The following VPS36 variants were observed in gnomAD, a reference collection of about 807,000 sequenced individuals.
VPS36 encodes the protein vacuolar protein-sorting-associated protein 36.
In VPS36, 31 loss-of-function variants were observed where a neutral mutation model predicts 63.5. The observed-to-expected ratio is 0.49, with a 90% CI of 0.37 to 0.66. VPS36 has a LOEUF of 0.66. Among genes scored for constraint, VPS36 ranks in the 30% least tolerant of loss-of-function variants. The pLI, the probability that VPS36 is intolerant of heterozygous loss-of-function variation, is 0.00. For missense variants in VPS36, 338 were observed against 463.7 expected (o/e 0.73, Z 2.49); for synonymous variants, 138 against 157.2 (o/e 0.88, Z 0.91).
intron 9 of VPS36, 46 bp from the exon 10 acceptor site, chr13:52,423,685 A>G (rs768527379): frequency 8.8e-6 from 13 of 1,474,942 alleles, no homozygotes; most frequent in Non-Finnish European, 3.7e-6. Context: ...TTACAATTAC[A>G]CCAGTTAGCA....
chr13:52,429,597 G>A (rs1179450021), intron 6 of VPS36, among the ~76,000 whole-genome samples: 1 of 152,096 alleles, frequency 6.6e-6, no homozygotes, highest in African/African-American at 2.4e-5. Context: ...AAGTAGGGAG[G>A]AATATCTGCT....
intron 10 of VPS36, among the ~76,000 whole-genome samples, chr13:52,421,448 C>A (rs1958044738): frequency 6.7e-6 from 1 of 149,230 alleles, no homozygotes; most frequent in Non-Finnish European, 1.5e-5. Context: ...ATGAGTTCTG[C>A]TGCTATATTA....
chr13:52,447,252 T>TTA (rs1187572534), intron 1 of VPS36, among the ~76,000 whole-genome samples: 1 of 152,158 alleles, frequency 6.6e-6, no homozygotes, highest in Non-Finnish European at 1.5e-5. Context: ...TATAATAATA[T>TTA]TATATGTAAT....
Position 52,425,031 on chromosome 13 carries a change from C to T in VPS36, c.774+901G>A, listed in dbSNP as rs535326830. On this transcript the variant is annotated intron_variant, in intron 9 of 13. Coordinates refer to ENST00000378060, the MANE Select transcript of VPS36 (RefSeq NM_016075.4). ...AATGTAGCACTTTGGGAGGCCGAGG[C>T]GGGCGGATCATGAGGTCAGGAGATT... is the stretch of plus-strand genomic sequence containing the variant. 3.5e-4 allele frequency among the ~76,000 whole-genome samples: 53 copies of T among 150,190 alleles called. No homozygotes were observed. The South Asian group carries it at 9.5e-3, about 27-fold the overall frequency.
chr13:52,425,912 C>A lies in VPS36; in HGVS notation c.774+20G>T, dbSNP rs1488059437. ...TAATTTAACACAGTTTAAAAAAAAACACATAGGTTTAGTTTTTACCTCTAA... is the reference window on the plus strand; with the variant it reads ...TAATTTAACACAGTTTAAAAAAAAAAACATAGGTTTAGTTTTTACCTCTAA... On this transcript the variant is annotated intron_variant, in intron 9 of 13. Coordinates refer to ENST00000378060, the MANE Select transcript of VPS36 (RefSeq NM_016075.4). 11 of 1,592,650 alleles carry A rather than the reference C, an allele frequency of 6.9e-6. No homozygotes were observed. Among genetic ancestry groups the A allele is most frequent in the Non-Finnish European group, 9.4e-6 (11 of 1,172,362 alleles).
chr13:52,425,806 G>GAA, intron 9 of VPS36, 126 bp downstream of exon 9: 51 of 949,022 alleles, frequency 5.4e-5, no homozygotes, highest in South Asian at 2.0e-4. Context: ...ATACCTGAAA[G>GAA]AAAAAAAAAA....
At chr13:52,442,896 A>C (rs1958295633) in intron 1 of VPS36, among the ~76,000 whole-genome samples, 3 of 152,232 alleles carry the variant, frequency 2.0e-5, no homozygotes, top group Admixed American at 2.0e-4. Context: ...TCTCAGAAAA[A>C]GTGTGAGGAA....
chr13:52,415,986 C>T (rs749867157), intron 13 of VPS36, 31 bp downstream of exon 13: 38 of 1,612,866 alleles, frequency 2.4e-5, no homozygotes, highest in Non-Finnish European at 2.8e-5. Context: ...CACAAACATA[C>T]ATTGTAATGA....
chr13:52,426,873 A>C, intron 8 of VPS36, 116 bp downstream of exon 8: 1 of 662,982 alleles, frequency 1.5e-6, no homozygotes, highest in Non-Finnish European at 2.4e-6. Context: ...ATAAACAATA[A>C]ATAAAACATA....
chr13:52,434,201 C>A (rs1458292200), intron 5 of VPS36, among the ~76,000 whole-genome samples: 2 of 152,138 alleles, frequency 1.3e-5, no homozygotes, highest in African/African-American at 4.8e-5. Flanking sequence ...CCCAGCTGTA[C>A]TGTCTATTCT....
chr13:52,416,343 G>A (rs1957992099), intron 12 of VPS36: 1 of 454,912 alleles, frequency 2.2e-6, no homozygotes, highest in Non-Finnish European at 3.9e-6. Context: ...TCTCTATAAT[G>A]TAACAGTCAC....
intron 9 of VPS36, among the ~76,000 whole-genome samples, chr13:52,424,376 A>G (rs2137779958): frequency 6.6e-6 from 1 of 152,340 alleles, no homozygotes; most frequent in East Asian, 1.9e-4. Flanking sequence ...AAAAATTAAA[A>G]AAAGACAATC....
At chr13:52,427,284 A>G in intron 6 of VPS36, 65 bp from the exon 7 acceptor site, 1 of 1,556,684 alleles carries the variant, frequency 6.4e-7, no homozygotes, top group Non-Finnish European at 8.8e-7. Flanking sequence ...AAAAAAATGA[A>G]GCACCCTCTA....
Position 52,439,735 on chromosome 13 carries a change from C to T in VPS36, c.166-567G>A, listed in dbSNP as rs190491259. ...TGCTGGGATTACAGGCGTGAGCCACCGCACCCAGCCACAATGGGTGCATTT... is the reference window on the plus strand; with the variant it reads ...TGCTGGGATTACAGGCGTGAGCCACTGCACCCAGCCACAATGGGTGCATTT... On this transcript the variant is annotated intron_variant, in intron 2 of 13. Transcript: ENST00000378060. 1.7e-3 allele frequency among the ~76,000 whole-genome samples: 257 copies of T among 151,898 alleles called. 1 individual carries two copies. Among genetic ancestry groups the T allele is most frequent in the African/African-American group, 5.5e-3 (230 of 41,444 alleles).
intron 2 of VPS36, among the ~76,000 whole-genome samples, chr13:52,439,564 G>A (rs1594122314): frequency 1.3e-5 from 2 of 152,010 alleles, no homozygotes; most frequent in East Asian, 3.9e-4. Flanking sequence ...TCCTGCTTCA[G>A]CCTCCCGAGT....
intron 6 of VPS36, among the ~76,000 whole-genome samples, chr13:52,431,762 C>CAAAAAA (rs60968712): frequency 1.5e-5 from 1 of 68,088 alleles, no homozygotes; most frequent in Non-Finnish European, 3.1e-5. Context: ...GACTCTGTCT[C>CAAAAAA]AAAAAAAAAA....
At chr13:52,416,400 T>C (rs1484512213) in intron 12 of VPS36, 5 of 258,718 alleles carry the variant, frequency 1.9e-5, no homozygotes, top group African/African-American at 1.1e-4. Context: ...AAAAGGAATA[T>C]GTAACAAATT....
intron 1 of VPS36, chr13:52,450,028 G>A (rs1198913050): frequency 2.0e-6 from 2 of 986,924 alleles, no homozygotes; most frequent in Non-Finnish European, 1.2e-6. Context: ...TTCCGCTGGG[G>A]CACGGACTGT....
chr13:52,450,629 G>T lies in VPS36; in HGVS notation c.-35C>A, dbSNP rs367917661. 1.0e-5 allele frequency: 16 copies of T among 1,535,856 alleles called. No individual in the cohort carries two copies. The highest frequency in any genetic ancestry group is 4.3e-5 in the African/African-American group (3 of 69,908). On this transcript the variant is annotated 5_prime_UTR_variant, in exon 1 of 14. Coordinates refer to ENST00000378060, the MANE Select transcript of VPS36 (RefSeq NM_016075.4). The stretch of plus-strand genomic sequence containing the variant: ...CACCCAGCCCCGGCCCTCCGAGGCC[G>T]CGAGCAGCGCGCCAGGCAGCCTGCG...
Sources: gnomAD v4.1 joint callset for allele counts (sites outside exome capture counted in the v4.1 genomes callset) on GRCh38, gnomAD v4.1.1 for gene constraint, MANE v1.5 for transcripts, NCBI Gene and HGNC (gene_info 2026-07-23, HGNC 2026-07-21) for gene names.